Variants in ARHGAP15 observed in about 807,000 individuals in gnomAD.
ARHGAP15 encodes the protein Rho GTPase activating protein 15, also known as rho GTPase-activating protein 15.
In ARHGAP15, 51 loss-of-function variants were observed where a neutral mutation model predicts 63.7. That is an observed-to-expected ratio of 0.80 (90% CI 0.64 to 1.01). The LOEUF is 1.01. Among genes scored for constraint, ARHGAP15 ranks in the 50% least tolerant of loss-of-function variants. The pLI is 0.00. For missense variants in ARHGAP15, 560 were observed against 564.6 expected (o/e 0.99, Z 0.08); for synonymous variants, 191 against 193.8 (o/e 0.99, Z 0.12).
intron 6 of ARHGAP15, among the ~76,000 whole-genome samples, chr2:143,316,634 T>C (rs1038596086): frequency 7.1e-5 from 10 of 141,236 alleles, no homozygotes; most frequent in African/African-American, 2.5e-4. Context: ...TTGGAGGCTT[T>C]CATTTGAATT....
chr2:143,324,967 A>G (rs1684187353), intron 6 of ARHGAP15, among the ~76,000 whole-genome samples: 1 of 152,182 alleles, frequency 6.6e-6, no homozygotes, highest in African/African-American at 2.4e-5. Flanking sequence ...AATTAGATTC[A>G]TTCTCTAGCA....
intron 13 of ARHGAP15, among the ~76,000 whole-genome samples, chr2:143,712,564 G>A (rs1684628568): frequency 6.6e-6 from 1 of 152,106 alleles, no homozygotes; most frequent in Non-Finnish European, 1.5e-5. Flanking sequence ...AGAGAATCAA[G>A]GACAGATTCC....
intron 6 of ARHGAP15, among the ~76,000 whole-genome samples, chr2:143,394,009 A>T (rs2104976713): frequency 6.6e-6 from 1 of 152,304 alleles, no homozygotes; most frequent in African/African-American, 2.4e-5. Context: ...GTTTAGGAAG[A>T]CAGCAAATAT....
chr2:143,328,174 A>G (rs1044582560), intron 6 of ARHGAP15, among the ~76,000 whole-genome samples: 4 of 152,216 alleles, frequency 2.6e-5, no homozygotes, highest in Non-Finnish European at 4.4e-5. Context: ...CCATTGTGGA[A>G]GACAGTGTGA....
chr2:143,427,403 G>A (rs1689182145), intron 6 of ARHGAP15, among the ~76,000 whole-genome samples: 1 of 152,106 alleles, frequency 6.6e-6, no homozygotes, highest in Non-Finnish European at 1.5e-5. Context: ...CAATGCTGAT[G>A]GACAGCAATG....
intron 6 of ARHGAP15, among the ~76,000 whole-genome samples, chr2:143,390,245 C>T (rs1023908530): frequency 1.3e-5 from 2 of 152,120 alleles, no homozygotes; most frequent in Non-Finnish European, 2.9e-5. Context: ...CGTTACATGG[C>T]TGGTTGCAGC....
At chr2:143,356,913 C>T (rs1219089463) in intron 6 of ARHGAP15, among the ~76,000 whole-genome samples, 1 of 152,182 alleles carries the variant, frequency 6.6e-6, no homozygotes, top group Non-Finnish European at 1.5e-5. Context: ...ACCCCTGACA[C>T]GCCATCCGTC....
intron 8 of ARHGAP15, among the ~76,000 whole-genome samples, chr2:143,448,192 C>T (rs1001138883): frequency 6.6e-6 from 1 of 152,034 alleles, no homozygotes; most frequent in Non-Finnish European, 1.5e-5. Flanking sequence ...ATTGGTGAGG[C>T]TGGAATGTGC....
chr2:143,666,701 A>G (rs1682210713), intron 12 of ARHGAP15, among the ~76,000 whole-genome samples: 1 of 125,922 alleles, frequency 7.9e-6, no homozygotes, highest in Non-Finnish European at 1.7e-5. Flanking sequence ...AGAATCTACA[A>G]TGAACTCAAA....
chr2:143,491,649 C>T (rs180727591), intron 9 of ARHGAP15, among the ~76,000 whole-genome samples: 40 of 152,208 alleles, frequency 2.6e-4, no homozygotes, highest in Non-Finnish European at 5.0e-4. Flanking sequence ...TAGTTTTGCT[C>T]CCTAAAAGGT....
At chr2:143,740,834 C>T (rs1456302409) in intron 13 of ARHGAP15, among the ~76,000 whole-genome samples, 1 of 152,142 alleles carries the variant, frequency 6.6e-6, no homozygotes, top group Admixed American at 6.5e-5. Flanking sequence ...TTATGTGTTT[C>T]AGCATGGATT....
At chr2:143,341,555 G>T (rs1685057504) in intron 6 of ARHGAP15, among the ~76,000 whole-genome samples, 1 of 151,992 alleles carries the variant, frequency 6.6e-6, no homozygotes, top group Non-Finnish European at 1.5e-5. Flanking sequence ...TTTCGGTTTT[G>T]GTTATGCTTA....
chr2:143,570,113 A>G (rs992402267), intron 11 of ARHGAP15, among the ~76,000 whole-genome samples: 4 of 152,206 alleles, frequency 2.6e-5, no homozygotes, highest in Admixed American at 6.5e-5. Context: ...AAATTGCTAC[A>G]CCATATGGAA....
rs1235978719 is a variant in ARHGAP15 at position 143,159,681 on chromosome 2, A to C, written c.165+4026A>C. Among the ~76,000 whole-genome samples the C allele has an allele frequency of 2.0e-5, 3 of 152,094 alleles. No individual in the cohort carries two copies. The South Asian group carries it at 6.2e-4, about 31-fold the overall frequency. On this transcript the variant is annotated intron_variant, in intron 2 of 13. Transcript: ENST00000295095. ...CATTGATCAGGCAGGCATGTGTAAC[A>C]GTAACACTTTGCATTTATTTGTTGT...
chr2:143,148,840 T>C (rs1689697985), intron 1 of ARHGAP15, among the ~76,000 whole-genome samples: 1 of 151,966 alleles, frequency 6.6e-6, no homozygotes, highest in Non-Finnish European at 1.5e-5. Flanking sequence ...TTAATAGAGA[T>C]GTAAAAGCCA....
chr2:143,214,153 C>T (rs1692659922), intron 3 of ARHGAP15, among the ~76,000 whole-genome samples: 1 of 151,984 alleles, frequency 6.6e-6, no homozygotes, highest in Admixed American at 6.6e-5. Flanking sequence ...TTGGAAAAAA[C>T]AATTGGGGCT....
At chr2:143,372,973 C>T (rs1686625670) in intron 6 of ARHGAP15, among the ~76,000 whole-genome samples, 1 of 134,436 alleles carries the variant, frequency 7.4e-6, no homozygotes, top group African/African-American at 3.0e-5. Flanking sequence ...GTTAACCATC[C>T]TCTCTCCTCT....
chr2:143,277,565 T>C (rs1438943016), intron 6 of ARHGAP15, among the ~76,000 whole-genome samples: 1 of 151,894 alleles, frequency 6.6e-6, no homozygotes, highest in African/African-American at 2.4e-5. Context: ...ATCCAGAGAC[T>C]GTACTGCCCT....
intron 8 of ARHGAP15, among the ~76,000 whole-genome samples, chr2:143,474,451 T>C (rs1691721768): frequency 1.3e-5 from 2 of 152,206 alleles, no homozygotes; most frequent in African/African-American, 4.8e-5. Flanking sequence ...ATTACTGCAT[T>C]TAGATTTAAA....
Sources: allele counts gnomAD v4.1 joint callset (sites outside exome capture counted in the v4.1 genomes callset), GRCh38; gene constraint gnomAD v4.1.1; transcripts MANE v1.5; gene names NCBI Gene and HGNC (gene_info 2026-07-23, HGNC 2026-07-21).